The following CASP10 variants were observed in gnomAD, a reference collection of about 807,000 sequenced individuals.
CASP10 encodes the protein caspase 10, also known as caspase-10.
A neutral mutation model predicts 48.5 loss-of-function variants in CASP10; 41 were observed. That is an observed-to-expected ratio of 0.85 (90% CI 0.66 to 1.10). CASP10 has a LOEUF of 1.10. CASP10 is among the 50% of genes least tolerant of loss of function. CASP10 has a pLI of 0.00. For synonymous variants in CASP10, 232 were observed against 238.4 expected, an observed-to-expected ratio of 0.97 and a Z score of 0.25; for missense variants, 614 against 614.5, an observed-to-expected ratio of 1.00 and a Z score of 0.01.
intron 5 of CASP10, among the ~76,000 whole-genome samples, chr2:201,198,452 T>C (rs1323471406): frequency 1.3e-5 from 2 of 151,796 alleles, no homozygotes; most frequent in Admixed American, 6.6e-5. Context: ...CTCGAACTCC[T>C]GACCTCAAGT....
rs1168137578 is a variant in CASP10 at position 201,217,829 on chromosome 2, C to T, written c.*88C>T. The T allele has an allele frequency of 2.5e-6, 4 of 1,611,166 alleles. No homozygotes were observed. ...GCCCAGCACAGGAATCGGTGGTCTC[C>T]ACCTGTCATTCTAGAAACAGGAAAC... On this transcript the variant is annotated 3_prime_UTR_variant, in exon 10 of 10. Transcript: ENST00000286186.
chr2:201,192,942 A>G (rs767784919), intron 3 of CASP10, 42 bp from the exon 4 acceptor site: 1 of 1,605,538 alleles, frequency 6.2e-7, no homozygotes, highest in South Asian at 1.1e-5. Context: ...TGAGTGGATA[A>G]TCAATAGGCA....
At chr2:201,206,132 T>G in intron 7 of CASP10, 159 bp downstream of exon 7, 1 of 573,524 alleles carries the variant, frequency 1.7e-6, no homozygotes, top group South Asian at 2.0e-5. Context: ...TCCCTCTCTC[T>G]GTAATTATCT....
At position 201,185,944 on chromosome 2, in the gene CASP10, G is replaced by A; in HGVS notation, c.167G>A (p.Ser56Asn). 6.2e-7 allele frequency: 1 copy of A among 1,614,148 alleles called. No homozygotes were observed. The highest frequency in any genetic ancestry group is 2.2e-5 in the East Asian group (1 of 44,890). Residue 56 changes from serine to asparagine, a missense_variant, in exon 2 of 10, where the codon AGC (serine) becomes AAC (asparagine). Coordinates refer to ENST00000286186, the MANE Select transcript of CASP10 (RefSeq NM_032977.4). ...CCCAACAAGAAGCTGGAGAAGTCCAGCTCAGCCTCAGATGTTTTTGAACAT... is the reference window on the plus strand; with the variant it reads ...CCCAACAAGAAGCTGGAGAAGTCCAACTCAGCCTCAGATGTTTTTGAACAT... Reference protein sequence around the residue: ...LVPNKKLEKSSSASDVFEHLL... With the variant: ...LVPNKKLEKSNSASDVFEHLL...
chr2:201,193,146 G>A (rs1172058611), intron 4 of CASP10, 27 bp downstream of exon 4: 2 of 1,609,564 alleles, frequency 1.2e-6, no homozygotes, highest in South Asian at 1.1e-5. Context: ...TGCTAACTTG[G>A]ACCAGACCAT....
chr2:201,209,503 G>A lies in CASP10; in HGVS notation c.1356G>A (p.Val452=), dbSNP rs1277623079. The part of the protein sequence containing the change: ...TVPGYVSFRH[V]EEGSWYIQSL... The stretch of plus-strand genomic sequence containing the variant: ...CAGGCTATGTATCCTTTCGGCATGT[G>A]GAGGAAGGCAGCTGGTATATTCAGT... Residue 452 remains valine, a synonymous_variant, in exon 9 of 10, where the codon GTG becomes GTA. Coordinates refer to ENST00000286186, the MANE Select transcript of CASP10 (RefSeq NM_032977.4). 1 of 1,613,590 alleles carries A rather than the reference G, an allele frequency of 6.2e-7. No homozygotes were observed. Among genetic ancestry groups the A allele is most frequent in the Admixed American group, 1.7e-5 (1 of 59,872 alleles).
chr2:201,204,156 A>C (rs913583319), intron 6 of CASP10, among the ~76,000 whole-genome samples: 49 of 152,200 alleles, frequency 3.2e-4, no homozygotes, highest in Non-Finnish European at 6.9e-4. Context: ...GTGGTTCCAG[A>C]TGTTGCTTCA....
intron 3 of CASP10, among the ~76,000 whole-genome samples, chr2:201,191,983 G>A (rs1406147988): frequency 6.6e-6 from 1 of 152,242 alleles, no homozygotes; most frequent in East Asian, 1.9e-4. Flanking sequence ...GTATGTGCGT[G>A]TGTATGTGTG....
chr2:201,196,238 G>C (rs564073681), intron 5 of CASP10, among the ~76,000 whole-genome samples: 1 of 152,278 alleles, frequency 6.6e-6, no homozygotes, highest in Admixed American at 6.5e-5. Flanking sequence ...CTCTGAAATG[G>C]TTCCTCTGTT....
At chr2:201,212,214 G>A (rs561234960) in intron 9 of CASP10, 1 of 152,402 alleles carries the variant, frequency 6.6e-6, no homozygotes, top group Non-Finnish European at 1.5e-5. Context: ...CTCCCAAAGT[G>A]CTGGTATTAC....
intron 6 of CASP10, 32 bp downstream of exon 6, chr2:201,203,798 A>G (rs1945110469): frequency 6.4e-7 from 1 of 1,569,814 alleles, no homozygotes; most frequent in Non-Finnish European, 8.8e-7. Flanking sequence ...TTTACAACTT[A>G]GATCGGTATG....
intron 4 of CASP10, among the ~76,000 whole-genome samples, chr2:201,195,029 G>A (rs865979532): frequency 1.3e-5 from 2 of 151,854 alleles, no homozygotes; most frequent in African/African-American, 4.8e-5. Context: ...AGCCTGCCTC[G>A]GCCTCCCAAA....
chr2:201,201,662 C>T (rs959376083), intron 5 of CASP10, among the ~76,000 whole-genome samples: 5 of 152,146 alleles, frequency 3.3e-5, no homozygotes, highest in Admixed American at 2.0e-4. Context: ...GGGACTGGGG[C>T]ACAGCATCTC....
At position 201,198,769 on chromosome 2, in the gene CASP10, T is replaced by C. The variant is rs1440979191; in HGVS notation, c.684+2821T>C. Among the ~76,000 whole-genome samples the C allele has an allele frequency of 4.7e-5, 7 of 149,368 alleles. No homozygotes were observed. The East Asian group carries it at 1.2e-3, about 26-fold the overall frequency. Reference sequence around the variant, plus strand: ...GTTAGCCAGGATGGTCTCAATCTCCTGACCTCGTGATCCACCCGCCTCAGC... The same window carrying C: ...GTTAGCCAGGATGGTCTCAATCTCCCGACCTCGTGATCCACCCGCCTCAGC... On this transcript the variant is annotated intron_variant, in intron 5 of 9. Transcript: ENST00000286186.
At chr2:201,190,733 C>T (rs1281237745) in intron 3 of CASP10, among the ~76,000 whole-genome samples, 1 of 152,118 alleles carries the variant, frequency 6.6e-6, no homozygotes, top group Non-Finnish European at 1.5e-5. Flanking sequence ...AAAGCAATCT[C>T]TGATATTCGA....
chr2:201,209,741 A>G (rs1485032159), intron 9 of CASP10, among the ~76,000 whole-genome samples, 179 bp downstream of exon 9: 1 of 151,984 alleles, frequency 6.6e-6, no homozygotes, highest in Non-Finnish European at 1.5e-5. Context: ...CCATTCATCT[A>G]TCCATCCATC....
At chr2:201,196,120 A>C in intron 5 of CASP10, 172 bp downstream of exon 5, 1 of 580,718 alleles carries the variant, frequency 1.7e-6, no homozygotes, top group South Asian at 2.0e-5. Flanking sequence ...ACCAGAGTGC[A>C]CATTTTCTGA....
intron 9 of CASP10, chr2:201,228,922 G>C: frequency 6.2e-7 from 1 of 1,613,716 alleles, no homozygotes. Flanking sequence ...ATTTCTCTTT[G>C]TGCTCAGTAG....
At position 201,185,729 on chromosome 2, in the gene CASP10, C is replaced by G. The variant is rs199511092; in HGVS notation, c.-7-42C>G. 3 of 1,328,386 alleles carry G rather than the reference C, an allele frequency of 2.3e-6. No individual in the cohort carries two copies. The East Asian group carries it at 6.9e-5, about 31-fold the overall frequency. The allele number at this position is 1,328,386 out of a possible 1,614,324, so 82.3% of individuals were successfully genotyped here. Reference sequence around the variant, plus strand: ...CTGGGAAGTCAGGGGGCCATATGTCCTCACTCTCTAACTCCCTGCCCCACC... The same window carrying G: ...CTGGGAAGTCAGGGGGCCATATGTCGTCACTCTCTAACTCCCTGCCCCACC... On this transcript the variant is annotated intron_variant, in intron 1 of 9. Coordinates refer to ENST00000286186, the MANE Select transcript of CASP10 (RefSeq NM_032977.4).
Sources: gnomAD v4.1 joint callset for allele counts (sites outside exome capture counted in the v4.1 genomes callset) on GRCh38, gnomAD v4.1.1 for gene constraint, MANE v1.5 for transcripts, NCBI Gene and HGNC (gene_info 2026-07-23, HGNC 2026-07-21) for gene names.